Variants in ME2 observed in about 807,000 individuals in gnomAD.
The protein encoded by ME2 is malic enzyme 2.
In ME2, 60 loss-of-function variants were observed where a neutral mutation model predicts 73.7. The ratio of observed to expected loss-of-function variants is 0.81; its 90% CI spans 0.66 to 1.01. The LOEUF (loss-of-function observed/expected upper bound fraction) is 1.01, where lower values mean the gene tolerates loss of function less well. ME2 is among the 50% of genes least tolerant of loss of function. The pLI is 0.00. For synonymous variants in ME2, 199 were observed against 236.9 expected, an observed-to-expected ratio of 0.84 and a Z score of 1.47; for missense variants, 594 against 705.5, an observed-to-expected ratio of 0.84 and a Z score of 1.79.
rs1271358726 is a variant in ME2 at position 50,925,830 on chromosome 18, A to G, written c.1246A>G (p.Ile416Val). 6.2e-7 allele frequency: 1 copy of G among 1,612,234 alleles called. No homozygotes were observed. Among genetic ancestry groups the G allele is most frequent in the Non-Finnish European group, 8.5e-7 (1 of 1,178,382 alleles). Residue 416 changes from isoleucine to valine, a missense_variant, in exon 12 of 16, where the codon ATA becomes GTA. Coordinates refer to ENST00000321341, the MANE Select transcript of ME2 (RefSeq NM_002396.5). ...AMASINERPV[I>V]FALSNPTAQA... ...GGCCTCTATCAATGAAAGGCCTGTA[A>G]TATTTGCATTAAGTAATCCTACAGC...
chr18:50,920,362 A>T (rs1365439311), intron 7 of ME2, 94 bp from the exon 8 acceptor site: 9 of 870,132 alleles, frequency 1.0e-5, no homozygotes, highest in Non-Finnish European at 1.6e-5. Context: ...AACATAATAC[A>T]TTATTTTTGA....
At position 50,949,734 on chromosome 18, in the gene ME2, GA is replaced by G. The variant is rs1242347644; in HGVS notation, c.*2557del. 2.0e-5 allele frequency: 3 copies of G among 151,922 alleles called. No individual in the cohort carries two copies. Among genetic ancestry groups the G allele is most frequent in the Non-Finnish European group, 4.4e-5 (3 of 67,964 alleles). 9.4% of individuals were successfully genotyped at this position (151,922 alleles called of 1,614,324 possible). A position where few individuals can be genotyped will look rare whatever the true frequency, so the allele number is the denominator to read the frequency against. On this transcript the variant is annotated 3_prime_UTR_variant, in exon 16 of 16. Coordinates refer to ENST00000321341, the MANE Select transcript of ME2 (RefSeq NM_002396.5). ...CATGGAAGTTATTAAGTATTTTAAG[GA>G]AAAAAATAGGCTAAATGGCATATAG... is the stretch of plus-strand genomic sequence containing the variant.
chr18:50,895,366 A>G (rs1462489052), intron 1 of ME2, among the ~76,000 whole-genome samples: 3 of 152,340 alleles, frequency 2.0e-5, no homozygotes, highest in African/African-American at 7.2e-5. Context: ...AGTCCATTAA[A>G]ATTCTAGGTC....
At chr18:50,920,801 T>TA (rs1302450245) in intron 9 of ME2, 43 bp downstream of exon 9, 1 of 1,426,192 alleles carries the variant, frequency 7.0e-7, no homozygotes, top group African/African-American at 1.4e-5. Flanking sequence ...TATCCTCTCT[T>TA]ATAGAATTAG....
chr18:50,880,470 T>G (rs915011013), intron 1 of ME2, among the ~76,000 whole-genome samples: 1 of 152,238 alleles, frequency 6.6e-6, no homozygotes, highest in African/African-American at 2.4e-5. Context: ...GTAAATTAGA[T>G]GAGAGAAACA....
chr18:50,917,919 C>T (rs572725278), intron 6 of ME2, among the ~76,000 whole-genome samples, 191 bp from the exon 7 acceptor site: 59 of 151,580 alleles, frequency 3.9e-4, no homozygotes, highest in African/African-American at 1.4e-3. Flanking sequence ...TGCAGTGAGC[C>T]GAGATCACAC....
At position 50,951,012 on chromosome 18, in the gene ME2, A is replaced by T. The variant is rs972518990; in HGVS notation, c.*3828A>T. ...TATGTTTTTACAGGCTGTTTACAAG[A>T]ACAAAAATAGAGAATTTTTGAACAT... On this transcript the variant is annotated 3_prime_UTR_variant, in exon 16 of 16. Transcript: ENST00000321341. The T allele has an allele frequency of 6.6e-6, 1 of 152,238 alleles. No individual in the cohort carries two copies. The highest frequency in any genetic ancestry group is 6.5e-5 in the Admixed American group (1 of 15,278). 9.4% of individuals were successfully genotyped at this position (152,238 alleles called of 1,614,324 possible). A position where few individuals can be genotyped will look rare whatever the true frequency, so the allele number is the denominator to read the frequency against.
At chr18:50,934,418 A>T (rs1015723212) in intron 13 of ME2, 1 of 152,192 alleles carries the variant, frequency 6.6e-6, no homozygotes, top group African/African-American at 2.4e-5. Context: ...AGGCCGAGGC[A>T]GGAGGATTGC....
At chr18:50,898,732 C>T (rs1916813816) in intron 2 of ME2, among the ~76,000 whole-genome samples, 1 of 152,098 alleles carries the variant, frequency 6.6e-6, no homozygotes, top group Non-Finnish European at 1.5e-5. Context: ...CACACCTGGC[C>T]AAAATTTCTT....
At chr18:50,918,277 A>AGTTTT (rs1917334327) in intron 7 of ME2, 64 bp downstream of exon 7, 1 of 1,081,990 alleles carries the variant, frequency 9.2e-7, no homozygotes, top group Admixed American at 2.1e-5. Flanking sequence ...TAAGAACCAA[A>AGTTTT]GTTTTGTTTT....
intron 13 of ME2, among the ~76,000 whole-genome samples, chr18:50,937,374 G>A (rs779598460): frequency 5.9e-5 from 9 of 152,156 alleles, no homozygotes; most frequent in Admixed American, 2.0e-4. Context: ...GAGGACAGAG[G>A]TGCTAGAAAA....
intron 7 of ME2, 109 bp from the exon 8 acceptor site, chr18:50,920,347 G>T: frequency 2.7e-6 from 2 of 740,028 alleles, no homozygotes; most frequent in South Asian, 1.9e-5. Flanking sequence ...GGCCTTAATT[G>T]AACTAACATA....
At chr18:50,923,061 T>C (rs1166411969) in intron 10 of ME2, among the ~76,000 whole-genome samples, 1 of 152,234 alleles carries the variant, frequency 6.6e-6, no homozygotes, top group Admixed American at 6.5e-5. Flanking sequence ...GTATCTCTTC[T>C]GGCTTTGTGG....
At chr18:50,918,702 C>CTTTT (rs34143282) in intron 7 of ME2, among the ~76,000 whole-genome samples, 1 of 141,750 alleles carries the variant, frequency 7.1e-6, no homozygotes, top group African/African-American at 2.6e-5. Context: ...CCACCTTTCT[C>CTTTT]TTTTTTTTTT....
At chr18:50,915,040 T>C (rs1435968280) in intron 4 of ME2, among the ~76,000 whole-genome samples, 1 of 152,178 alleles carries the variant, frequency 6.6e-6, no homozygotes, top group Non-Finnish European at 1.5e-5. Context: ...GGTCCATTTA[T>C]ACTCAGATTT....
In ME2 at chr18:50,947,294, C is replaced by G; in HGVS notation, c.*110C>G. 1 of 1,159,632 alleles carries G rather than the reference C, an allele frequency of 8.6e-7. No homozygotes were observed. The highest frequency in any genetic ancestry group is 1.2e-6 in the Non-Finnish European group (1 of 816,454). The allele number at this position is 1,159,632 out of a possible 1,614,324, so 71.8% of individuals were successfully genotyped here. ...GTTTTCTGTGTTTTGTTCTCCCTGACCACTTTGGTTGATGTATTTTTTCCA... is the reference window on the plus strand; with the variant it reads ...GTTTTCTGTGTTTTGTTCTCCCTGAGCACTTTGGTTGATGTATTTTTTCCA... On this transcript the variant is annotated 3_prime_UTR_variant, in exon 16 of 16. Coordinates refer to ENST00000321341, the MANE Select transcript of ME2 (RefSeq NM_002396.5).
At chr18:50,934,894 C>G (rs1465907558) in intron 13 of ME2, 1 of 152,086 alleles carries the variant, frequency 6.6e-6, no homozygotes, top group African/African-American at 2.4e-5. Context: ...AACAAATGCA[C>G]AGAACAAGCT....
intron 7 of ME2, among the ~76,000 whole-genome samples, chr18:50,919,627 CTT>C (rs903243664): frequency 1.1e-4 from 16 of 152,122 alleles, no homozygotes; most frequent in Admixed American, 9.8e-4. Flanking sequence ...CTTCAGATCT[CTT>C]GTCTTCGTAT....
In ME2 at chr18:50,885,755, A is replaced by G. The variant is rs563117565; in HGVS notation, c.-13+6447A>G. Among the ~76,000 whole-genome samples, 5 of 152,246 alleles carry G rather than the reference A, an allele frequency of 3.3e-5. No individual in the cohort carries two copies. In the East Asian group the frequency reaches 9.6e-4, roughly 29 times the overall value. ...ATTAATAATTTTTAAAAGTGTAGAA[A>G]CATGTATATATAATTTGTACTTTTA... On this transcript the variant is annotated intron_variant, in intron 1 of 15. Transcript: ENST00000321341.
Sources: gnomAD v4.1 joint callset for allele counts (sites outside exome capture counted in the v4.1 genomes callset) on GRCh38, gnomAD v4.1.1 for gene constraint, MANE v1.5 for transcripts, NCBI Gene and HGNC (gene_info 2026-07-23, HGNC 2026-07-21) for gene names.